The following CA10 variants were observed in gnomAD, a reference collection of about 807,000 sequenced individuals.
The protein encoded by CA10 is carbonic anhydrase-related protein 10.
In CA10, 14 loss-of-function variants were observed where a neutral mutation model predicts 44.2. The ratio of observed to expected loss-of-function variants is 0.32; its 90% CI spans 0.21 to 0.50. The LOEUF is 0.50. Ranked by LOEUF, CA10 falls within the 20% of genes least tolerant of loss-of-function variation. The pLI, the probability that CA10 is intolerant of heterozygous loss-of-function variation, is 0.99. For synonymous variants in CA10, 159 were observed against 141.6 expected, an observed-to-expected ratio of 1.12 and a Z score of -0.87; for missense variants, 350 against 409.7, an observed-to-expected ratio of 0.85 and a Z score of 1.26.
chr17:51,857,718 A>G (rs1310564024), intron 3 of CA10, among the ~76,000 whole-genome samples: 1 of 152,224 alleles, frequency 6.6e-6, no homozygotes, highest in Non-Finnish European at 1.5e-5. Context: ...AGGGTTGGAA[A>G]TAGAACAGAG....
At chr17:51,920,879 A>G (rs971756522) in intron 3 of CA10, among the ~76,000 whole-genome samples, 2 of 152,180 alleles carry the variant, frequency 1.3e-5, no homozygotes, top group African/African-American at 2.4e-5. Context: ...TATAAACACA[A>G]CTACCTTGAT....
intron 4 of CA10, among the ~76,000 whole-genome samples, chr17:51,687,082 A>T (rs1002009548): frequency 9.2e-5 from 14 of 152,224 alleles, no homozygotes; most frequent in African/African-American, 3.1e-4. Context: ...ATGTCGTATA[A>T]AATCCAAGCT....
intron 1 of CA10, among the ~76,000 whole-genome samples, chr17:52,156,242 G>C (rs1054588220): frequency 6.6e-6 from 1 of 152,170 alleles, no homozygotes; most frequent in Non-Finnish European, 1.5e-5. Context: ...ATATGGCCTT[G>C]TGAGATGCCA....
chr17:52,059,356 A>G (rs2143084395), intron 2 of CA10, among the ~76,000 whole-genome samples: 1 of 152,296 alleles, frequency 6.6e-6, no homozygotes, highest in Middle Eastern at 3.4e-3. Context: ...CAAGCTCCTG[A>G]TATGCTAAGT....
chr17:52,135,679 C>G (rs1314941498), intron 1 of CA10, among the ~76,000 whole-genome samples: 1 of 152,198 alleles, frequency 6.6e-6, no homozygotes, highest in Non-Finnish European at 1.5e-5. Flanking sequence ...GGCTGCAACA[C>G]TTTATGAGAA....
At chr17:51,837,846 G>T (rs1003087484) in intron 3 of CA10, among the ~76,000 whole-genome samples, 2 of 152,150 alleles carry the variant, frequency 1.3e-5, no homozygotes, top group African/African-American at 4.8e-5. Context: ...TTTCAAATCA[G>T]TTAATTACCT....
At chr17:51,925,715 C>T (rs762176216) in intron 3 of CA10, among the ~76,000 whole-genome samples, 2 of 152,062 alleles carry the variant, frequency 1.3e-5, no homozygotes, top group Non-Finnish European at 2.9e-5. Flanking sequence ...AACAGACAAA[C>T]AAAATGTGGT....
intron 1 of CA10, among the ~76,000 whole-genome samples, chr17:52,093,766 A>G (rs1406969633): frequency 6.6e-6 from 1 of 152,202 alleles, no homozygotes; most frequent in Non-Finnish European, 1.5e-5. Context: ...AGAGGGCAAT[A>G]ACTAAATTTT....
intron 2 of CA10, among the ~76,000 whole-genome samples, chr17:51,983,353 C>T (rs1293904017): frequency 6.6e-6 from 1 of 151,820 alleles, no homozygotes; most frequent in Admixed American, 6.6e-5. Flanking sequence ...TTATTGTACA[C>T]AATCTCTCTC....
At chr17:51,837,780 T>C (rs1306864863) in intron 3 of CA10, among the ~76,000 whole-genome samples, 1 of 152,240 alleles carries the variant, frequency 6.6e-6, no homozygotes, top group Non-Finnish European at 1.5e-5. Context: ...TTCCATTATT[T>C]TTAACTTTTA....
intron 3 of CA10, among the ~76,000 whole-genome samples, chr17:51,847,672 A>C (rs1978555775): frequency 6.6e-6 from 1 of 152,180 alleles, no homozygotes; most frequent in South Asian, 2.1e-4. Context: ...GGCAGGAATC[A>C]GTGGGATATG....
intron 1 of CA10, among the ~76,000 whole-genome samples, chr17:52,154,364 A>G (rs1052150902): frequency 2.7e-4 from 41 of 152,236 alleles, no homozygotes; most frequent in Admixed American, 8.5e-4. Flanking sequence ...CAATATATGT[A>G]CAATGTGTGA....
At chr17:51,783,357 A>T (rs1906133422) in intron 3 of CA10, among the ~76,000 whole-genome samples, 2 of 152,242 alleles carry the variant, frequency 1.3e-5, no homozygotes, top group African/African-American at 2.4e-5. Flanking sequence ...AATTAATTAC[A>T]TGGTACTTAT....
In CA10 at chr17:51,636,825, C is replaced by T. The variant is rs368713342; in HGVS notation, c.635-816G>A. On this transcript the variant is annotated intron_variant, in intron 6 of 8. Transcript: ENST00000451037. ...TGTGTGTGTGTGTATTTTTCTCTCT[C>T]TCAGGTCTATGCAGATAGCCTTTTC... Among the ~76,000 whole-genome samples, 18 of 147,450 alleles carry T rather than the reference C, an allele frequency of 1.2e-4. No homozygotes were observed. The East Asian group carries it at 2.3e-3, about 19-fold the overall frequency.
chr17:51,850,532 C>T (rs1978748240), intron 3 of CA10, among the ~76,000 whole-genome samples: 1 of 152,160 alleles, frequency 6.6e-6, no homozygotes, highest in Non-Finnish European at 1.5e-5. Flanking sequence ...CTGCTAAGCA[C>T]ATTACATTCA....
At chr17:52,083,664 T>C (rs1988041363) in intron 1 of CA10, among the ~76,000 whole-genome samples, 1 of 152,218 alleles carries the variant, frequency 6.6e-6, no homozygotes, top group South Asian at 2.1e-4. Context: ...ATTTGTGATA[T>C]TTGACTTTCT....
rs541358717 is a variant in CA10 at position 51,801,412 on chromosome 17, C to T, written c.280-53594G>A. On this transcript the variant is annotated intron_variant, in intron 3 of 8. Coordinates refer to ENST00000451037, the MANE Select transcript of CA10 (RefSeq NM_020178.5). ...TCATCTAGGAAAGATAAGACAGTAGCTTCATTGTTGGCAGGCTGTCATGGG... is the reference window on the plus strand; with the variant it reads ...TCATCTAGGAAAGATAAGACAGTAGTTTCATTGTTGGCAGGCTGTCATGGG... 1.1e-4 allele frequency among the ~76,000 whole-genome samples: 17 copies of T among 152,150 alleles called. No individual in the cohort carries two copies. The East Asian group carries it at 3.3e-3, about 29-fold the overall frequency.
At chr17:51,767,889 T>C (rs539357346) in intron 3 of CA10, among the ~76,000 whole-genome samples, 2 of 152,244 alleles carry the variant, frequency 1.3e-5, no homozygotes, top group South Asian at 4.1e-4. Context: ...GCCACTGATC[T>C]GACAGGAGGT....
chr17:52,115,954 T>C (rs1988886350), intron 1 of CA10, among the ~76,000 whole-genome samples: 1 of 152,120 alleles, frequency 6.6e-6, no homozygotes, highest in South Asian at 2.1e-4. Flanking sequence ...TATCTGGGTG[T>C]GGTGGTGCAT....
Sources: gnomAD v4.1 joint callset for allele counts (sites outside exome capture counted in the v4.1 genomes callset) on GRCh38, gnomAD v4.1.1 for gene constraint, MANE v1.5 for transcripts, NCBI Gene and HGNC (gene_info 2026-07-23, HGNC 2026-07-21) for gene names.